MARCHF1: variants seen among roughly 807,000 people sequenced by gnomAD.
MARCHF1 encodes E3 ubiquitin-protein ligase MARCHF1.
In MARCHF1, 40 loss-of-function variants were observed where a neutral mutation model predicts 54.2. The ratio of observed to expected loss-of-function variants is 0.74; its 90% CI spans 0.57 to 0.96. The LOEUF (loss-of-function observed/expected upper bound fraction) is 0.96, where lower values mean the gene tolerates loss of function less well. Ranked by LOEUF, MARCHF1 falls within the 40% of genes least tolerant of loss-of-function variation. The probability of loss-of-function intolerance (pLI) is 0.00; values close to 1 mark genes in which losing one functional copy is unlikely to be tolerated. For synonymous variants in MARCHF1, 236 were observed against 236.3 expected, an observed-to-expected ratio of 1.00 and a Z score of 0.01; for missense variants, 586 against 656.5, an observed-to-expected ratio of 0.89 and a Z score of 1.17.
chr4:164,291,033 G>A (rs948163013), intron 1 of MARCHF1, among the ~76,000 whole-genome samples: 9 of 151,536 alleles, frequency 5.9e-5, no homozygotes, highest in African/African-American at 2.2e-4. Flanking sequence ...TATTACAATT[G>A]TTTATTATCT....
chr4:164,122,311 A>T (rs548289525), intron 1 of MARCHF1, among the ~76,000 whole-genome samples: 1 of 152,214 alleles, frequency 6.6e-6, no homozygotes, highest in African/African-American at 2.4e-5. Flanking sequence ...AAGCAACCCC[A>T]ACTTATTTTC....
intron 5 of MARCHF1, among the ~76,000 whole-genome samples, chr4:163,661,077 A>C (rs936093924): frequency 2.6e-5 from 4 of 151,826 alleles, no homozygotes; most frequent in Non-Finnish European, 5.9e-5. Flanking sequence ...GTTACTGTGG[A>C]AATTTAGTTG....
intron 4 of MARCHF1, among the ~76,000 whole-genome samples, chr4:163,729,125 G>T (rs1249626333): frequency 6.6e-6 from 1 of 152,004 alleles, no homozygotes; most frequent in Admixed American, 6.6e-5. Context: ...AAATCCCACT[G>T]GTCAAGGCAT....
intron 2 of MARCHF1, among the ~76,000 whole-genome samples, chr4:164,008,765 T>C (rs1560859646): frequency 6.6e-6 from 1 of 152,094 alleles, no homozygotes; most frequent in Non-Finnish European, 1.5e-5. Context: ...AAGAAGTACA[T>C]TTAAACATTT....
intron 8 of MARCHF1, among the ~76,000 whole-genome samples, chr4:163,551,774 C>T (rs937414136): frequency 3.3e-5 from 5 of 152,126 alleles, no homozygotes; most frequent in Admixed American, 6.5e-5. Context: ...ATAAGTCTCA[C>T]GAGATCTGAT....
chr4:163,782,985 A>T (rs942959926), intron 4 of MARCHF1, among the ~76,000 whole-genome samples: 3 of 152,212 alleles, frequency 2.0e-5, no homozygotes. Flanking sequence ...ACAATTGTAT[A>T]AGGGAAAACA....
chr4:163,811,757 T>A (rs867096140), intron 4 of MARCHF1, among the ~76,000 whole-genome samples: 10 of 152,310 alleles, frequency 6.6e-5, no homozygotes, highest in African/African-American at 2.4e-4. Context: ...TGCTTACAGT[T>A]TACTAGGCCC....
chr4:163,589,182 A>G (rs978907533), intron 7 of MARCHF1, among the ~76,000 whole-genome samples: 17 of 151,996 alleles, frequency 1.1e-4, no homozygotes, highest in Non-Finnish European at 2.5e-4. Flanking sequence ...TGATTTTTTC[A>G]TTGACATTGA....
intron 4 of MARCHF1, among the ~76,000 whole-genome samples, chr4:163,794,489 A>T (rs184770860): frequency 4.6e-5 from 7 of 152,334 alleles, no homozygotes; most frequent in Admixed American, 4.6e-4. Flanking sequence ...ATAGGACAGT[A>T]ATTCTCTAAA....
At chr4:164,234,318 A>G (rs1732490048) in intron 1 of MARCHF1, among the ~76,000 whole-genome samples, 1 of 152,190 alleles carries the variant, frequency 6.6e-6, no homozygotes, top group African/African-American at 2.4e-5. Context: ...TTACTATACA[A>G]TAACTACTTA....
chr4:164,197,848 T>C (rs1731325781), intron 1 of MARCHF1: 1 of 1,425,916 alleles, frequency 7.0e-7, no homozygotes, highest in Admixed American at 2.8e-5. Flanking sequence ...TATTTACAAA[T>C]ATTATAATAA....
At chr4:163,633,199 C>CCAACGGAACTCAGCTCCTCACCAG (rs1560986985) in intron 5 of MARCHF1, among the ~76,000 whole-genome samples, 1 of 152,212 alleles carries the variant, frequency 6.6e-6, no homozygotes, top group Non-Finnish European at 1.5e-5. Context: ...CTCTCCTCCT[C>CCAACGGAACTCAGCTCCTCACCAG]CAACGGAACT....
intron 3 of MARCHF1, among the ~76,000 whole-genome samples, chr4:163,928,803 C>A (rs1751593184): frequency 6.6e-6 from 1 of 151,758 alleles, no homozygotes; most frequent in Non-Finnish European, 1.5e-5. Context: ...TTTTTAATTT[C>A]TTTTCACTGG....
intron 2 of MARCHF1, among the ~76,000 whole-genome samples, chr4:163,995,645 A>G (rs905939983): frequency 1.3e-5 from 2 of 152,132 alleles, no homozygotes; most frequent in African/African-American, 4.8e-5. Flanking sequence ...CAAAGACCAA[A>G]TATGTATTTC....
intron 2 of MARCHF1, among the ~76,000 whole-genome samples, chr4:164,054,679 CAA>C (rs1226219973): frequency 1.4e-5 from 2 of 147,384 alleles, no homozygotes; most frequent in Non-Finnish European, 3.0e-5. Context: ...ATCGCAAGAA[CAA>C]AAAACCAAAC....
intron 3 of MARCHF1, among the ~76,000 whole-genome samples, chr4:163,984,253 A>C (rs1752818817): frequency 6.6e-6 from 1 of 152,158 alleles, no homozygotes. Flanking sequence ...AAATGTAAAA[A>C]CTGAGGTAGA....
intron 2 of MARCHF1, among the ~76,000 whole-genome samples, chr4:164,063,616 T>A (rs1193924928): frequency 6.6e-6 from 1 of 152,212 alleles, no homozygotes; most frequent in Non-Finnish European, 1.5e-5. Context: ...TCTACCCCTA[T>A]GAAGTGGGCC....
chr4:163,982,605 T>G (rs961002956), intron 3 of MARCHF1, among the ~76,000 whole-genome samples: 9 of 152,246 alleles, frequency 5.9e-5, no homozygotes, highest in Non-Finnish European at 1.5e-5. Flanking sequence ...TCAAATCACT[T>G]CATTGGAAAA....
intron 2 of MARCHF1, among the ~76,000 whole-genome samples, chr4:164,009,343 G>C (rs4264785): frequency 0.95 from 144,317 of 152,220 alleles, 68,873 homozygotes; most frequent in East Asian, 1. Context: ...GACCTGATAA[G>C]TTCCCTGCTG....
Sources: allele counts gnomAD v4.1 joint callset (sites outside exome capture counted in the v4.1 genomes callset), GRCh38; gene constraint gnomAD v4.1.1; transcripts MANE v1.5; gene names NCBI Gene and HGNC (gene_info 2026-07-23, HGNC 2026-07-21).